TRIO: variants seen among roughly 807,000 people sequenced by gnomAD.
TRIO encodes the protein triple functional domain protein.
Under a neutral mutation model 351.9 loss-of-function variants are expected in TRIO, and 58 were observed. That is an observed-to-expected ratio of 0.16 (90% CI 0.13 to 0.21). The LOEUF (loss-of-function observed/expected upper bound fraction) is 0.21. Ranked by LOEUF, TRIO falls within the 10% of genes least tolerant of loss-of-function variation. TRIO has a pLI of 1.00. For synonymous variants in TRIO, 1,758 were observed against 1,595.7 expected, an observed-to-expected ratio of 1.10 and a Z score of -2.42; for missense variants, 3,201 against 4,027.8, an observed-to-expected ratio of 0.79 and a Z score of 5.56.
chr5:14,362,715 G>A (rs890540198), intron 13 of TRIO, among the ~76,000 whole-genome samples: 4 of 152,162 alleles, frequency 2.6e-5, no homozygotes, highest in Admixed American at 1.3e-4. Context: ...TTCCCCATGC[G>A]AAGGCTGGGC....
intron 34 of TRIO, among the ~76,000 whole-genome samples, chr5:14,423,886 G>A (rs916629408): frequency 2.0e-5 from 3 of 150,336 alleles, no homozygotes; most frequent in Admixed American, 1.3e-4. Context: ...TTTGCCATTC[G>A]AAGTTGAATC....
At chr5:14,400,850 G>A (rs1481957186) in intron 30 of TRIO, 113 bp from the exon 31 acceptor site, 12 of 874,306 alleles carry the variant, frequency 1.4e-5, no homozygotes, top group South Asian at 4.6e-5. Context: ...CACTAGTGAC[G>A]TTCTTATAAC....
chr5:14,313,222 C>A (rs1339385495), intron 8 of TRIO, among the ~76,000 whole-genome samples: 1 of 152,146 alleles, frequency 6.6e-6, no homozygotes, highest in Non-Finnish European at 1.5e-5. Flanking sequence ...TTAATCCCTG[C>A]TTATGAATTC....
At chr5:14,434,752 TAA>T (rs1374117796) in intron 34 of TRIO, among the ~76,000 whole-genome samples, 1 of 152,238 alleles carries the variant, frequency 6.6e-6, no homozygotes, top group Non-Finnish European at 1.5e-5. Context: ...GATGCAAAAG[TAA>T]TTGCAGTTTT....
At chr5:14,401,835 G>T (rs1748093149) in intron 31 of TRIO, among the ~76,000 whole-genome samples, 1 of 152,190 alleles carries the variant, frequency 6.6e-6, no homozygotes, top group Non-Finnish European at 1.5e-5. Context: ...GTGGAGCTAA[G>T]GCTTATCGAA....
chr5:14,507,055 C>A, intron 55 of TRIO, 67 bp from the exon 56 acceptor site: 1 of 1,502,994 alleles, frequency 6.7e-7, no homozygotes, highest in South Asian at 1.4e-5. Flanking sequence ...ATGTTTACTT[C>A]TTACTAGCCC....
At chr5:14,154,361 G>A (rs1787987911) in intron 1 of TRIO, among the ~76,000 whole-genome samples, 1 of 152,140 alleles carries the variant, frequency 6.6e-6, no homozygotes, top group Non-Finnish European at 1.5e-5. Context: ...GGGCAGGAGG[G>A]CACCACGGAG....
intron 1 of TRIO, among the ~76,000 whole-genome samples, chr5:14,227,786 A>C (rs1793142817): frequency 6.6e-6 from 1 of 152,208 alleles, no homozygotes; most frequent in South Asian, 2.1e-4. Flanking sequence ...TTAGATATAA[A>C]ATTTAGGGAA....
At chr5:14,234,887 G>GTCTT (rs1235917777) in intron 1 of TRIO, among the ~76,000 whole-genome samples, 1 of 152,116 alleles carries the variant, frequency 6.6e-6, no homozygotes, top group African/African-American at 2.4e-5. Context: ...TTCAAGGAAT[G>GTCTT]TCTTTAGTCC....
intron 6 of TRIO, among the ~76,000 whole-genome samples, chr5:14,293,541 C>G (rs2152287095): frequency 6.6e-6 from 1 of 152,348 alleles, no homozygotes; most frequent in South Asian, 2.1e-4. Context: ...AAGCCTGCTG[C>G]TGACCTCAGG....
chr5:14,311,573 G>A (rs1160734548), intron 8 of TRIO, among the ~76,000 whole-genome samples: 1 of 152,218 alleles, frequency 6.6e-6, no homozygotes, highest in Non-Finnish European at 1.5e-5. Context: ...ACTCAGAAGG[G>A]TTCGATTGTT....
chr5:14,283,033 A>G (rs1736138235), intron 3 of TRIO, among the ~76,000 whole-genome samples: 2 of 152,166 alleles, frequency 1.3e-5, no homozygotes. Context: ...TGCTACCCCT[A>G]GTGAGTGTAT....
intron 34 of TRIO, among the ~76,000 whole-genome samples, chr5:14,429,080 TACAG>T (rs1458682135): frequency 1.2e-4 from 18 of 152,238 alleles, no homozygotes; most frequent in African/African-American, 4.3e-4. Context: ...TGTGAAAAAT[TACAG>T]AGAGATGATG....
intron 1 of TRIO, among the ~76,000 whole-genome samples, chr5:14,220,909 T>C (rs1792574601): frequency 6.6e-6 from 1 of 152,240 alleles, no homozygotes; most frequent in African/African-American, 2.4e-5. Context: ...GATCAGATTT[T>C]CAGTGTAGGC....
At chr5:14,318,488 A>G (rs572676293) in intron 9 of TRIO, among the ~76,000 whole-genome samples, 1 of 151,298 alleles carries the variant, frequency 6.6e-6, no homozygotes, top group East Asian at 1.9e-4. Context: ...ATGGCCCTGT[A>G]ATTTTTAATT....
chr5:14,154,001 T>G (rs909146862), intron 1 of TRIO, among the ~76,000 whole-genome samples: 24 of 152,326 alleles, frequency 1.6e-4, no homozygotes, highest in African/African-American at 5.8e-4. Flanking sequence ...CCTTTCCTCT[T>G]CTCACCTAAT....
At position 14,509,188 on chromosome 5, in the gene TRIO, A is replaced by G; in HGVS notation, c.*766A>G. 3.9e-6 allele frequency: 1 copy of G among 256,790 alleles called. No homozygotes were observed. Among genetic ancestry groups the G allele is most frequent in the Non-Finnish European group, 7.6e-6 (1 of 131,332 alleles). The allele number at this position is 256,790 out of a possible 1,614,324, so 15.9% of individuals were successfully genotyped here. On this transcript the variant is annotated 3_prime_UTR_variant, in exon 57 of 57. Transcript: ENST00000344204. Reference sequence around the variant, plus strand: ...CTGTTCCTGCCCCAAGCCGTCAATCAGATTGTGGAGCAGTACACAGTCAGA... The same window carrying G: ...CTGTTCCTGCCCCAAGCCGTCAATCGGATTGTGGAGCAGTACACAGTCAGA...
At chr5:14,229,720 G>A (rs1793286833) in intron 1 of TRIO, among the ~76,000 whole-genome samples, 1 of 152,178 alleles carries the variant, frequency 6.6e-6, no homozygotes, top group Non-Finnish European at 1.5e-5. Flanking sequence ...GCTCATTGTA[G>A]TGTCCTGAAG....
In TRIO at chr5:14,178,531, A is replaced by T. The variant is rs1581281801; in HGVS notation, c.157+34649A>T. 3.3e-5 allele frequency among the ~76,000 whole-genome samples: 5 copies of T among 152,318 alleles called. No individual in the cohort carries two copies. In the East Asian group the frequency reaches 9.6e-4, roughly 29 times the overall value. On this transcript the variant is annotated intron_variant, in intron 1 of 56. Coordinates refer to ENST00000344204, the MANE Select transcript of TRIO (RefSeq NM_007118.4). ...GCTGACCGCGTAATTGTCTAAACAG[A>T]GATGGTGTTGAGAGTGAAAGAGGGT...
Sources: gnomAD v4.1 joint callset for allele counts (sites outside exome capture counted in the v4.1 genomes callset) on GRCh38, gnomAD v4.1.1 for gene constraint, MANE v1.5 for transcripts, NCBI Gene and HGNC (gene_info 2026-07-23, HGNC 2026-07-21) for gene names.